Variants in WNK1 observed in about 807,000 individuals in gnomAD.
WNK1 encodes the protein WNK lysine deficient protein kinase 1, also known as serine/threonine-protein kinase WNK1.
A neutral mutation model predicts 222.8 loss-of-function variants in WNK1; 38 were observed. The observed-to-expected ratio is 0.17, with a 90% CI of 0.13 to 0.22. The LOEUF is 0.22. WNK1 is among the 10% of genes least tolerant of loss of function. The pLI, the probability that WNK1 is intolerant of heterozygous loss-of-function variation, is 1.00. For missense variants in WNK1, 2,348 were observed against 2,918.4 expected (o/e 0.80, Z 4.50); for synonymous variants, 1,090 against 1,092.9 (o/e 1.00, Z 0.05).
chr12:753,875 C>G lies in WNK1; in HGVS notation c.310C>G (p.Gln104Glu). 6.2e-7 allele frequency: 1 copy of G among 1,612,406 alleles called. No homozygotes were observed. The highest frequency in any genetic ancestry group is 8.5e-7 in the Non-Finnish European group (1 of 1,179,856). The change falls in exon 1 of 28, where the codon CAG (glutamine) becomes GAG (glutamate). Residue 104 changes from glutamine to glutamate, a missense_variant. By Grantham distance (29) the Gln-to-Glu change is conservative. Transcript: ENST00000315939. This position sits in a 1 kb window ranked among gnomAD's most constrained non-coding sequence, Gnocchi z 5.2. Reference sequence around the variant, plus strand: ...TCCCGGCCTTCCTCTTTCCCTGCCCCAGCCCAGCATCCCCGCGGCTGTCCC... The same window carrying G: ...TCCCGGCCTTCCTCTTTCCCTGCCCGAGCCCAGCATCCCCGCGGCTGTCCC... ...ELPGLPLSLPQPSIPAAVPQS... is the reference protein window; with the variant it reads ...ELPGLPLSLPEPSIPAAVPQS...
At chr12:855,044 A>C (rs1000191334) in intron 4 of WNK1, among the ~76,000 whole-genome samples, 1 of 152,226 alleles carries the variant, frequency 6.6e-6, no homozygotes, top group African/African-American at 2.4e-5. Flanking sequence ...AACTGTGCTC[A>C]GTTTTTTACT....
At position 867,904 on chromosome 12, in the gene WNK1, A is replaced by G. The variant is rs576636052; in HGVS notation, c.2140-3361A>G. On this transcript the variant is annotated intron_variant, in intron 8 of 27. Coordinates refer to ENST00000315939, the MANE Select transcript of WNK1 (RefSeq NM_018979.4). Reference sequence around the variant, plus strand: ...CGCATCCGTGTGGGGGGACCCCAACATACCCAGAATCACAGATATTTTTCC... The same window carrying G: ...CGCATCCGTGTGGGGGGACCCCAACGTACCCAGAATCACAGATATTTTTCC... 2 of 1,614,058 alleles carry G rather than the reference A, an allele frequency of 1.2e-6. No individual in the cohort carries two copies. The highest frequency in any genetic ancestry group is 1.1e-5 in the South Asian group (1 of 91,082).
intron 1 of WNK1, among the ~76,000 whole-genome samples, chr12:772,407 GT>G (rs1942622063): frequency 2.8e-5 from 2 of 70,526 alleles, no homozygotes; most frequent in African/African-American, 8.0e-5. Context: ...TAATTGGGGT[GT>G]GTGTGTGTGT....
chr12:791,455 A>G (rs140498982), intron 1 of WNK1, among the ~76,000 whole-genome samples: 238 of 152,156 alleles, frequency 1.6e-3, no homozygotes, highest in Non-Finnish European at 2.4e-3. Flanking sequence ...TTTGTACAGT[A>G]TGGTTCTTTA....
At chr12:824,367 A>G (rs1419443448) in intron 2 of WNK1, among the ~76,000 whole-genome samples, 1 of 152,150 alleles carries the variant, frequency 6.6e-6, no homozygotes, top group African/African-American at 2.4e-5. Flanking sequence ...CTCTGAGTTT[A>G]GAAATGTTCC....
rs1954864304 is a variant in WNK1 at position 897,622 on chromosome 12, G to C, written c.6389G>C (p.Ser2130Thr). 6.2e-7 allele frequency: 1 copy of C among 1,614,204 alleles called. No homozygotes were observed. Among genetic ancestry groups the C allele is most frequent in the Non-Finnish European group, 8.5e-7 (1 of 1,180,038 alleles). ...GGGAGAAGACGACGACCCACTAAAA[G>C]CAAAGGCAGCAAATCTAGTCGAAGC... ...LSGRRRRPTK[S>T]KGSKSSRSSS... The change falls in exon 25 of 28, where the codon AGC (serine) becomes ACC (threonine). Residue 2130 changes from serine to threonine, a missense_variant. Coordinates refer to ENST00000315939, the MANE Select transcript of WNK1 (RefSeq NM_018979.4).
At chr12:829,457 C>A (rs1390552746) in intron 3 of WNK1, among the ~76,000 whole-genome samples, 1 of 152,082 alleles carries the variant, frequency 6.6e-6, no homozygotes. Context: ...TATTGAATAT[C>A]GGGTTTTTCA....
Position 754,012 on chromosome 12 carries a change from G to A in WNK1, c.447G>A (p.Ala149=), listed in dbSNP as rs753292846. The A allele has an allele frequency of 6.3e-7, 1 of 1,587,104 alleles. No homozygotes were observed. Among genetic ancestry groups the A allele is most frequent in the Admixed American group, 1.8e-5 (1 of 54,924 alleles). The change falls in exon 1 of 28, where the codon GCG becomes GCA. Residue 149 remains alanine, a synonymous_variant. Transcript: ENST00000315939. The stretch of plus-strand genomic sequence containing the variant: ...CCGCCCCTGGGGAACAGGCCGTCGC[G>A]GGCCCTGCCCCCTCGACTGTCCCCA... ...AAAAPGEQAV[A]GPAPSTVPSS...
chr12:826,565 A>C (rs1392410154), intron 2 of WNK1, among the ~76,000 whole-genome samples: 2 of 152,198 alleles, frequency 1.3e-5, no homozygotes, highest in Non-Finnish European at 1.5e-5. Flanking sequence ...TATATTTTTG[A>C]CTAGAGTTTA....
intron 26 of WNK1, among the ~76,000 whole-genome samples, chr12:903,302 C>T (rs1025534811): frequency 6.6e-6 from 1 of 152,060 alleles, no homozygotes; most frequent in Non-Finnish European, 1.5e-5. Flanking sequence ...CCAATTCGAT[C>T]GTTTTCCAGG....
intron 2 of WNK1, among the ~76,000 whole-genome samples, chr12:814,708 T>C (rs1947200106): frequency 6.6e-6 from 1 of 152,180 alleles, no homozygotes; most frequent in South Asian, 2.1e-4. Flanking sequence ...CAGGGATTGG[T>C]TTCATGGAAG....
intron 1 of WNK1, among the ~76,000 whole-genome samples, chr12:762,021 T>TA (rs1452265235): frequency 6.9e-6 from 1 of 145,670 alleles, no homozygotes; most frequent in African/African-American, 2.4e-5. Context: ...TCATATAACC[T>TA]ACAGTAGTAC....
At chr12:782,608 G>A (rs909399981) in intron 1 of WNK1, among the ~76,000 whole-genome samples, 1 of 152,180 alleles carries the variant, frequency 6.6e-6, no homozygotes, top group African/African-American at 2.4e-5. Flanking sequence ...AGGTTTAAGC[G>A]ATTCTCCTGC....
intron 2 of WNK1, among the ~76,000 whole-genome samples, chr12:825,117 G>A (rs1026225626): frequency 2.6e-5 from 4 of 152,080 alleles, no homozygotes; most frequent in Non-Finnish European, 5.9e-5. Flanking sequence ...GCATTCATTC[G>A]TGTAACCAAA....
intron 9 of WNK1, among the ~76,000 whole-genome samples, chr12:877,354 C>T (rs1376146971): frequency 2.0e-5 from 3 of 152,106 alleles, no homozygotes; most frequent in South Asian, 2.1e-4. Context: ...CGTGAGCCAC[C>T]GCGCCCAGCC....
At chr12:767,015 G>A (rs961326283) in intron 1 of WNK1, among the ~76,000 whole-genome samples, 100 of 152,028 alleles carry the variant, frequency 6.6e-4, no homozygotes, top group Non-Finnish European at 5.9e-5. Flanking sequence ...GACCTCAAGC[G>A]GTCTGCCCAC....
chr12:807,124 G>T, intron 1 of WNK1, among the ~76,000 whole-genome samples: 1 of 151,456 alleles, frequency 6.6e-6, no homozygotes, highest in Non-Finnish European at 1.5e-5. Context: ...GGGGTGGGGG[G>T]TTGGTGTGGG....
intron 4 of WNK1, among the ~76,000 whole-genome samples, chr12:844,890 C>CTTTTT (rs11352734): frequency 1.0e-3 from 82 of 80,412 alleles, no homozygotes; most frequent in African/African-American, 1.7e-3. Context: ...TGTACCTTCT[C>CTTTTT]TTTTTTTTTT....
At chr12:797,815 G>A (rs1234493096) in intron 1 of WNK1, among the ~76,000 whole-genome samples, 1 of 151,862 alleles carries the variant, frequency 6.6e-6, no homozygotes, top group Non-Finnish European at 1.5e-5. Context: ...CGGGCATGGT[G>A]GCGGGCGCCT....
Sources: gnomAD v4.1 joint callset for allele counts (sites outside exome capture counted in the v4.1 genomes callset) on GRCh38, gnomAD v4.1.1 for gene constraint, Gnocchi (gnomAD v3.1) non-coding constraint, MANE v1.5 for transcripts, NCBI Gene and HGNC (gene_info 2026-07-23, HGNC 2026-07-21) for gene names.